The following PALM3 variants were observed in gnomAD, a reference collection of about 807,000 sequenced individuals.
PALM3 encodes the protein paralemmin 3.
PALM3 carries 20 observed loss-of-function variants against 27.9 expected under a neutral mutation model. The observed-to-expected ratio is 0.72, with a 90% CI of 0.50 to 1.04. PALM3 has a LOEUF of 1.04. PALM3 is among the 50% of genes least tolerant of loss of function. The probability of loss-of-function intolerance (pLI) is 0.00; values close to 1 mark genes in which losing one functional copy is unlikely to be tolerated. For missense variants in PALM3, 814 were observed against 869.4 expected, an observed-to-expected ratio of 0.94 and a Z score of 0.80; for synonymous variants, 328 against 352.7, an observed-to-expected ratio of 0.93 and a Z score of 0.79.
Position 14,055,215 on chromosome 19 carries a change from G to C in PALM3, c.457C>G (p.Leu153Val). 7.3e-6 allele frequency: 11 copies of C among 1,508,142 alleles called. No homozygotes were observed. Among genetic ancestry groups the C allele is most frequent in the Non-Finnish European group, 8.8e-6 (10 of 1,133,390 alleles). The allele number at this position is 1,508,142 out of a possible 1,614,324, so 93.4% of individuals were successfully genotyped here. The change falls in exon 7 of 7, where the codon CTG (leucine) becomes GTG (valine). Residue 153 changes from leucine to valine, a missense_variant. Transcript: ENST00000669674. The part of the protein sequence containing the change: ...VEAGSVGQTD[L>V]NKRASLPAGL... Reference sequence around the variant, plus strand: ...GCCGGCAGGGAGGCTCTCTTGTTCAGATCAGTCTGGCCTGGGGGAGTCAGA... The same window carrying C: ...GCCGGCAGGGAGGCTCTCTTGTTCACATCAGTCTGGCCTGGGGGAGTCAGA...
In PALM3 at chr19:14,061,977, C is replaced by T. The variant is rs2145708742; in HGVS notation, c.4G>A (p.Ala2Thr). 1 of 985,354 alleles carries T rather than the reference C, an allele frequency of 1.0e-6. No homozygotes were observed. Among genetic ancestry groups the T allele is most frequent in the East Asian group, 1.1e-4 (1 of 8,810 alleles). 61.0% of individuals were successfully genotyped at this position (985,354 alleles called of 1,614,324 possible). The change falls in exon 1 of 7, where the codon GCC becomes ACC. Residue 2 changes from alanine (A) to threonine (T), a missense_variant. Coordinates refer to ENST00000669674, the MANE Select transcript of PALM3 (RefSeq NM_001145028.2). The stretch of plus-strand genomic sequence containing the variant: ...AGAGACCACACCTGGCTCTGCAGGG[C>T]CATCTCTGCCCAGAAGTTCACTTTC... The part of the protein sequence containing the change: M[A>T]LQSQVWSLAT...
Position 14,061,965 on chromosome 19 carries a change from G to A in PALM3, c.16C>T (p.Gln6Ter). 1.0e-6 allele frequency: 1 copy of A among 985,334 alleles called. No homozygotes were observed. Among genetic ancestry groups the A allele is most frequent in the Non-Finnish European group, 1.2e-6 (1 of 829,886 alleles). 61.0% of individuals were successfully genotyped at this position (985,334 alleles called of 1,614,324 possible). A position where few individuals can be genotyped will look rare whatever the true frequency, so the allele number is the denominator to read the frequency against. MALQS[Q>*]VWSLATPMPM... Reference sequence around the variant, plus strand: ...ATGGGTGTGGCCAGAGACCACACCTGGCTCTGCAGGGCCATCTCTGCCCAG... The same window carrying A: ...ATGGGTGTGGCCAGAGACCACACCTAGCTCTGCAGGGCCATCTCTGCCCAG... Residue 6 changes from glutamine (Q) to a stop codon, truncating the protein, a stop_gained, in exon 1 of 7, where the codon CAG becomes TAG. Coordinates refer to ENST00000669674, the MANE Select transcript of PALM3 (RefSeq NM_001145028.2). LOFTEE classifies it high-confidence loss of function.
chr19:14,061,964 T>G lies in PALM3; in HGVS notation c.17A>C (p.Gln6Pro), dbSNP rs1230917198. MALQS[Q>P]VWSLATPMPM... ...CATGGGTGTGGCCAGAGACCACACC[T>G]GGCTCTGCAGGGCCATCTCTGCCCA... The change falls in exon 1 of 7, where the codon CAG becomes CCG. Residue 6 changes from glutamine (Q) to proline (P), a missense_variant. Transcript: ENST00000669674. 1.0e-6 allele frequency: 1 copy of G among 985,192 alleles called. No individual in the cohort carries two copies. Among genetic ancestry groups the G allele is most frequent in the Non-Finnish European group, 1.2e-6 (1 of 829,864 alleles). 61.0% of individuals were successfully genotyped at this position (985,192 alleles called of 1,614,324 possible).
At chr19:14,055,611 C>T (rs1338168600) in intron 5 of PALM3, among the ~76,000 whole-genome samples, 186 bp from the exon 6 acceptor site, 1 of 152,128 alleles carries the variant, frequency 6.6e-6, no homozygotes, top group Non-Finnish European at 1.5e-5. Context: ...CAGGGCCTTG[C>T]ACACAGTAGG....
At chr19:14,059,685 C>G (rs958665975) in intron 1 of PALM3, among the ~76,000 whole-genome samples, 1 of 152,252 alleles carries the variant, frequency 6.6e-6, no homozygotes. Context: ...GTCCCACACC[C>G]TCTCTGGACC....
intron 1 of PALM3, among the ~76,000 whole-genome samples, chr19:14,059,746 G>T (rs1248674715): frequency 6.6e-6 from 1 of 152,004 alleles, no homozygotes; most frequent in Non-Finnish European, 1.5e-5. Flanking sequence ...GCGAGTCTGT[G>T]GCCCTCCCAC....
In PALM3 at chr19:14,053,930, G is replaced by A. The variant is rs1568505950; in HGVS notation, c.1742C>T (p.Thr581Met). Residue 581 changes from threonine (T) to methionine (M), a missense_variant, in exon 7 of 7, where the codon ACG (threonine) becomes ATG (methionine). Coordinates refer to ENST00000669674, the MANE Select transcript of PALM3 (RefSeq NM_001145028.2). Reference sequence around the variant, plus strand: ...TCCTTCCTTCTCTGGCCTTGTCTCCGTGTTAGCCTCAAGGGGAGGCCCTGC... The same window carrying A: ...TCCTTCCTTCTCTGGCCTTGTCTCCATGTTAGCCTCAAGGGGAGGCCCTGC... ...NEAGPPLEAN[T>M]ETRPEKEGPQ... 7.1e-6 allele frequency: 11 copies of A among 1,551,488 alleles called. 1 individual carries two copies. In the South Asian group the frequency reaches 7.1e-5, roughly 10 times the overall value.
At chr19:14,057,504 C>T in intron 2 of PALM3, 73 bp from the exon 3 acceptor site, 1 of 1,238,414 alleles carries the variant, frequency 8.1e-7, no homozygotes, top group Non-Finnish European at 1.1e-6. Context: ...CTCCCTTTCC[C>T]CTCCCTCCTC....
rs1166834546 is a variant in PALM3, at chr19:14,056,786, G to A, written c.190C>T (p.Arg64Cys). ...GCAGCTGCCCCATCCATTAGCCAACGTTCCCGGAGAGACTTCCTCTGGGCA... is the reference window on the plus strand; with the variant it reads ...GCAGCTGCCCCATCCATTAGCCAACATTCCCGGAGAGACTTCCTCTGGGCA... The part of the protein sequence containing the change: ...ERLKRKSLRE[R>C]WLMDGAAAVP... Residue 64 changes from arginine (R) to cysteine (C), a missense_variant, in exon 4 of 7, where the codon CGT (arginine) becomes TGT (cysteine). By Grantham distance (180) the Arg-to-Cys change is radical. Transcript: ENST00000669674. The A allele has an allele frequency of 1.3e-6, 2 of 1,549,768 alleles. No individual in the cohort carries two copies. The highest frequency in any genetic ancestry group is 8.7e-7 in the Non-Finnish European group (1 of 1,146,130).
intron 2 of PALM3, among the ~76,000 whole-genome samples, chr19:14,058,236 C>A: frequency 2.1e-5 from 2 of 93,546 alleles, no homozygotes; most frequent in African/African-American, 4.4e-5. Context: ...GGTGGGGGTG[C>A]AGAGAGATGG....
In PALM3 at chr19:14,061,922, G is replaced by A. The variant is rs938605624; in HGVS notation, c.41+18C>T. ...CAAGGCCCTGCCCACCAGCCCCCCT[G>A]ACCCCCCAGACACTTACATGGGTGT... On this transcript the variant is annotated intron_variant, in intron 1 of 6. Transcript: ENST00000669674. The A allele has an allele frequency of 8.6e-5, 85 of 984,440 alleles. No individual in the cohort carries two copies. The Admixed American group carries it at 1.6e-3, about 19-fold the overall frequency. The allele number at this position is 984,440 out of a possible 1,614,324, so 61.0% of individuals were successfully genotyped here. A position where few individuals can be genotyped will look rare whatever the true frequency, so the allele number is the denominator to read the frequency against.
chr19:14,060,905 C>T (rs998319487), intron 1 of PALM3, among the ~76,000 whole-genome samples: 3 of 152,150 alleles, frequency 2.0e-5, no homozygotes, highest in African/African-American at 7.2e-5. Context: ...AGATTACAGG[C>T]GTGCACCACC....
rs1460780858 is a variant in PALM3 at position 14,054,918 on chromosome 19, C to T, written c.754G>A (p.Gly252Ser). 1 of 1,549,346 alleles carries T rather than the reference C, an allele frequency of 6.5e-7. No homozygotes were observed. Among genetic ancestry groups the T allele is most frequent in the Non-Finnish European group, 8.7e-7 (1 of 1,146,972 alleles). ...TCCACCTTAGCCTCCAGCTCGGGGC[C>T]CGTGGCCCCTGTGGCACAGTCCTCT... is the stretch of plus-strand genomic sequence containing the variant. ...ATEDCATGATGPELEAKVEEV... is the reference protein window; with the variant it reads ...ATEDCATGATSPELEAKVEEV... The change falls in exon 7 of 7, where the codon GGC becomes AGC. Residue 252 changes from glycine to serine, a missense_variant. Physicochemically the swap from Gly to Ser is moderately conservative, Grantham distance 56 (BLOSUM62 0). Coordinates refer to ENST00000669674, the MANE Select transcript of PALM3 (RefSeq NM_001145028.2).
In PALM3 at chr19:14,053,976, G is replaced by T. The variant is rs571297069; in HGVS notation, c.1696C>A (p.Gln566Lys). 17 of 1,551,582 alleles carry T rather than the reference G, an allele frequency of 1.1e-5. No individual in the cohort carries two copies. The highest frequency in any genetic ancestry group is 3.3e-4 in the Middle Eastern group (2 of 5,990). ...EQGSREGSES[Q>K]AEEMNEAGPP... ...CCTGCCTCATTCATCTCCTCTGCCT[G>T]GGATTCACTTCCTTCCCTAGACCCT... Residue 566 changes from glutamine (Q) to lysine (K), a missense_variant, in exon 7 of 7, where the codon CAG becomes AAG. Transcript: ENST00000669674.
intron 2 of PALM3, among the ~76,000 whole-genome samples, chr19:14,057,758 G>C (rs1255932395): frequency 6.6e-6 from 1 of 151,610 alleles, no homozygotes; most frequent in Admixed American, 6.6e-5. Context: ...ACAGCTATCG[G>C]GGGAGGGGCA....
rs776553490 is a variant in PALM3 at position 14,054,742 on chromosome 19, G to A, written c.930C>T (p.Val310=). ...GCGAGCTAGTCTGCACGACCTCAGG[G>A]ACCCTGCCTATCTCCCCCATGGCCT... ...DAEAMGEIGR[V]PEVVQTSSPR... The change falls in exon 7 of 7, where the codon GTC becomes GTT. Residue 310 remains valine (V), a synonymous_variant. Transcript: ENST00000669674. 1 of 1,551,738 alleles carries A rather than the reference G, an allele frequency of 6.4e-7. No homozygotes were observed.
In PALM3 at chr19:14,056,772, A is replaced by G. The variant is rs1249631933; in HGVS notation, c.204T>C (p.Asp68=). 2 of 1,550,964 alleles carry G rather than the reference A, an allele frequency of 1.3e-6. No homozygotes were observed. The highest frequency in any genetic ancestry group is 1.7e-6 in the Non-Finnish European group (2 of 1,146,726). Residue 68 remains aspartate, a synonymous_variant, in exon 4 of 7, where the codon GAT becomes GAC. Coordinates refer to ENST00000669674, the MANE Select transcript of PALM3 (RefSeq NM_001145028.2). ...ATGGCTCTGGCACTGCAGCTGCCCC[A>G]TCCATTAGCCAACGTTCCCGGAGAG... ...RKSLRERWLM[D]GAAAVPEPSE...
rs1976217666 is a variant in PALM3 at position 14,053,368 on chromosome 19, T to C, written c.*237A>G. On this transcript the variant is annotated 3_prime_UTR_variant, in exon 7 of 7. Transcript: ENST00000669674. ...GACTACACACACATTCAAGCCGTCT[T>C]GAGTGCTTTCACATTTTATTTTCAA... 2.3e-6 allele frequency: 1 copy of C among 434,872 alleles called. No homozygotes were observed. The highest frequency in any genetic ancestry group is 4.0e-6 in the Non-Finnish European group (1 of 248,698). The allele number at this position is 434,872 out of a possible 1,614,324, so 26.9% of individuals were successfully genotyped here. A position where few individuals can be genotyped will look rare whatever the true frequency, so the allele number is the denominator to read the frequency against.
At position 14,054,510 on chromosome 19, in the gene PALM3, C is replaced by G. The variant is rs1050734077; in HGVS notation, c.1162G>C (p.Asp388His). ...CCCTCGGCCCCCAGCGGGCTTTCAT[C>G]TCCTCTCTCCCTCCCTGCCACCTCG... Reference protein sequence around the residue: ...GPEVAGRERGDESPLGAEGAK... With the variant: ...GPEVAGRERGHESPLGAEGAK... The change falls in exon 7 of 7, where the codon GAT (aspartate) becomes CAT (histidine). Residue 388 changes from aspartate to histidine, a missense_variant. Transcript: ENST00000669674. The G allele has an allele frequency of 7.1e-6, 11 of 1,551,032 alleles. No individual in the cohort carries two copies. In the African/African-American group the frequency reaches 1.4e-4, roughly 19 times the overall value.
Sources: allele counts gnomAD v4.1 joint callset (sites outside exome capture counted in the v4.1 genomes callset), GRCh38; gene constraint gnomAD v4.1.1; transcripts MANE v1.5; gene names NCBI Gene and HGNC (gene_info 2026-07-23, HGNC 2026-07-21).